The following CDH13 variants were observed in gnomAD, a reference collection of about 807,000 sequenced individuals.
CDH13 encodes the protein cadherin-13.
A neutral mutation model predicts 63.8 loss-of-function variants in CDH13; 24 were observed. The ratio of observed to expected loss-of-function variants is 0.38; its 90% CI spans 0.27 to 0.53. CDH13 has a LOEUF of 0.53. CDH13 is among the 20% of genes least tolerant of loss of function. CDH13 has a pLI of 0.85. For missense variants in CDH13, 1,049 were observed against 903.1 expected (o/e 1.16, Z -2.07); for synonymous variants, 503 against 355.3 (o/e 1.42, Z -4.67).
At chr16:83,643,493 T>C (rs1911503369) in intron 8 of CDH13, among the ~76,000 whole-genome samples, 1 of 152,198 alleles carries the variant, frequency 6.6e-6, no homozygotes, top group African/African-American at 2.4e-5. Context: ...AATACTCTAT[T>C]TCTTTAGTCT....
intron 2 of CDH13, among the ~76,000 whole-genome samples, chr16:82,919,890 C>T (rs1597214416): frequency 2.0e-5 from 3 of 152,150 alleles, no homozygotes; most frequent in Admixed American, 6.5e-5. Flanking sequence ...TAGTCCTTGC[C>T]TTATTGAAAC....
intron 5 of CDH13, among the ~76,000 whole-genome samples, chr16:83,300,901 C>T (rs935078083): frequency 1.3e-5 from 2 of 151,980 alleles, no homozygotes; most frequent in Admixed American, 1.3e-4. Flanking sequence ...GAAGACGTGG[C>T]TGAGAGCCAG....
At chr16:83,403,814 A>G (rs1355773491) in intron 6 of CDH13, among the ~76,000 whole-genome samples, 1 of 152,156 alleles carries the variant, frequency 6.6e-6, no homozygotes, top group Non-Finnish European at 1.5e-5. Flanking sequence ...TTACCTAGAT[A>G]CAAAAAGTTC....
chr16:83,699,573 A>G (rs2150905759), intron 10 of CDH13, among the ~76,000 whole-genome samples: 1 of 152,284 alleles, frequency 6.6e-6, no homozygotes, highest in East Asian at 1.9e-4. Context: ...TGCCTGTGCC[A>G]GCCTGTGGCA....
intron 1 of CDH13, among the ~76,000 whole-genome samples, chr16:82,820,294 T>C (rs1042570449): frequency 1.3e-5 from 2 of 152,212 alleles, no homozygotes; most frequent in African/African-American, 4.8e-5. Context: ...CACGTTTACG[T>C]TGGTACTCAT....
At chr16:83,683,612 T>G (rs1439951989) in intron 10 of CDH13, among the ~76,000 whole-genome samples, 1 of 152,238 alleles carries the variant, frequency 6.6e-6, no homozygotes, top group African/African-American at 2.4e-5. Context: ...ATCTGTTTAT[T>G]TATTCCCTTG....
At chr16:83,130,983 G>C (rs1337405757) in intron 4 of CDH13, among the ~76,000 whole-genome samples, 1 of 152,188 alleles carries the variant, frequency 6.6e-6, no homozygotes, top group Non-Finnish European at 1.5e-5. Flanking sequence ...TATTCAGGCA[G>C]CTCCAGGGAT....
In CDH13 at chr16:82,973,144, A is replaced by G. The variant is rs568976072; in HGVS notation, c.158-58866A>G. 5.3e-5 allele frequency among the ~76,000 whole-genome samples: 8 copies of G among 152,268 alleles called. 1 individual carries two copies. The highest frequency in any genetic ancestry group is 1.7e-4 in the African/African-American group (7 of 41,554). On this transcript the variant is annotated intron_variant, in intron 2 of 13. Coordinates refer to ENST00000567109, the MANE Select transcript of CDH13 (RefSeq NM_001257.5). ...TAGAACAATTAAATGCTGTCTTACA[A>G]TCTCTTTCCCCAACTTGGGGTTTCT...
chr16:83,163,440 C>A (rs532658406), intron 4 of CDH13, among the ~76,000 whole-genome samples: 1 of 152,022 alleles, frequency 6.6e-6, no homozygotes, highest in African/African-American at 2.4e-5. Flanking sequence ...GTGAACCGCC[C>A]GCTAACCTCC....
In CDH13 at chr16:82,633,768, A is replaced by G. The variant is rs149117226; in HGVS notation, c.45+6631A>G. Among the ~76,000 whole-genome samples, 363 of 152,238 alleles carry G rather than the reference A, an allele frequency of 2.4e-3. 1 individual carries two copies. Among genetic ancestry groups the G allele is most frequent in the African/African-American group, 8.4e-3 (348 of 41,548 alleles). Reference sequence around the variant, plus strand: ...ATATCTGTTTTAACAGTTAACACCCACGGCCGTTCTACATACAGTGTTAAT... The same window carrying G: ...ATATCTGTTTTAACAGTTAACACCCGCGGCCGTTCTACATACAGTGTTAAT... On this transcript the variant is annotated intron_variant, in intron 1 of 13. Coordinates refer to ENST00000567109, the MANE Select transcript of CDH13 (RefSeq NM_001257.5).
intron 2 of CDH13, among the ~76,000 whole-genome samples, chr16:82,994,838 T>A (rs1282757491): frequency 7.2e-5 from 11 of 152,160 alleles, no homozygotes; most frequent in Non-Finnish European, 1.6e-4. Context: ...TATTAATACC[T>A]GAGTAAAGTG....
chr16:83,020,079 T>C (rs1046002606), intron 2 of CDH13, among the ~76,000 whole-genome samples: 12 of 152,212 alleles, frequency 7.9e-5, no homozygotes, highest in African/African-American at 2.2e-4. Flanking sequence ...AGCTCCGTTA[T>C]CATCTTACGG....
At chr16:83,034,217 A>G (rs1483379110) in intron 3 of CDH13, among the ~76,000 whole-genome samples, 2 of 152,138 alleles carry the variant, frequency 1.3e-5, no homozygotes, top group Admixed American at 6.6e-5. Context: ...TAGCCTGAGT[A>G]TCCTTCTCAC....
intron 7 of CDH13, among the ~76,000 whole-genome samples, chr16:83,598,131 C>G (rs927997560): frequency 2.6e-5 from 4 of 152,136 alleles, no homozygotes; most frequent in African/African-American, 9.7e-5. Flanking sequence ...TTTGGGAGGC[C>G]AAGGTGGGCA....
At chr16:83,139,573 A>T (rs1025524012) in intron 4 of CDH13, among the ~76,000 whole-genome samples, 2 of 152,140 alleles carry the variant, frequency 1.3e-5, no homozygotes, top group South Asian at 4.1e-4. Context: ...TGTTATTTGC[A>T]TCTGGAAATC....
chr16:83,269,785 G>C (rs1445833540), intron 5 of CDH13, among the ~76,000 whole-genome samples: 1 of 152,066 alleles, frequency 6.6e-6, no homozygotes, highest in Non-Finnish European at 1.5e-5. Context: ...TAGACATATG[G>C]ACAGCTCACT....
At chr16:82,869,580 G>A (rs2040272565) in intron 2 of CDH13, among the ~76,000 whole-genome samples, 1 of 152,180 alleles carries the variant, frequency 6.6e-6, no homozygotes, top group Non-Finnish European at 1.5e-5. Flanking sequence ...CTGACTTACA[G>A]TTGTACTACA....
At chr16:83,083,320 C>G (rs1369737047) in intron 3 of CDH13, among the ~76,000 whole-genome samples, 2 of 152,154 alleles carry the variant, frequency 1.3e-5, no homozygotes, top group African/African-American at 4.8e-5. Flanking sequence ...TTACATAACT[C>G]TATACCGTAC....
rs190947779 is a variant in CDH13 at position 83,283,584 on chromosome 16, C to G, written c.637-61278C>G. Among the ~76,000 whole-genome samples the G allele has an allele frequency of 1.6e-3, 246 of 152,274 alleles. 1 individual carries two copies. Among genetic ancestry groups the G allele is most frequent in the Non-Finnish European group, 2.7e-3 (185 of 68,020 alleles). On this transcript the variant is annotated intron_variant, in intron 5 of 13. Transcript: ENST00000567109. Reference sequence around the variant, plus strand: ...CCAGCCTGGGCAACAGGGCTAGACTCCATCTCAGAAACAAAAATTTCCACA... The same window carrying G: ...CCAGCCTGGGCAACAGGGCTAGACTGCATCTCAGAAACAAAAATTTCCACA...
Sources: allele counts gnomAD v4.1 joint callset (sites outside exome capture counted in the v4.1 genomes callset), GRCh38; gene constraint gnomAD v4.1.1; transcripts MANE v1.5; gene names NCBI Gene and HGNC (gene_info 2026-07-23, HGNC 2026-07-21).